The following SAXO1 variants were observed in gnomAD, a reference collection of about 807,000 sequenced individuals.
SAXO1 encodes the protein 4930500O09Rik.
Under a neutral mutation model 17.5 loss-of-function variants are expected in SAXO1, and 21 were observed. The observed-to-expected ratio is 1.20, with a 90% confidence interval of 0.85 to 1.72. SAXO1 has a LOEUF of 1.72. SAXO1 is among the 40% of genes most tolerant of loss of function. SAXO1 has a pLI of 0.00. For missense variants in SAXO1, 843 were observed against 596.0 expected (o/e 1.41, Z -4.32); for synonymous variants, 274 against 216.5 (o/e 1.27, Z -2.33).
intron 3 of SAXO1, among the ~76,000 whole-genome samples, chr9:18,940,960 T>C (rs1831527156): frequency 6.6e-6 from 1 of 152,200 alleles, no homozygotes; most frequent in African/African-American, 2.4e-5. Context: ...TATATTCTCA[T>C]TGGGGAGGGT....
chr9:19,005,518 T>G (rs1834448660), intron 1 of SAXO1, among the ~76,000 whole-genome samples: 2 of 152,304 alleles, frequency 1.3e-5, no homozygotes, highest in Non-Finnish European at 2.9e-5. Flanking sequence ...TCAAGACTAT[T>G]CAATGTGGGA....
At chr9:19,008,784 G>A (rs1256154287) in intron 1 of SAXO1, among the ~76,000 whole-genome samples, 1 of 152,112 alleles carries the variant, frequency 6.6e-6, no homozygotes, top group Admixed American at 6.5e-5. Flanking sequence ...GAGAAGGAGG[G>A]GACCCCCAGC....
chr9:19,022,150 A>C (rs915120274), intron 1 of SAXO1, among the ~76,000 whole-genome samples: 16 of 152,174 alleles, frequency 1.1e-4, no homozygotes, highest in African/African-American at 3.9e-4. Flanking sequence ...CCACGGGGAG[A>C]AACGAACAAC....
At chr9:19,043,939 G>C in intron 1 of SAXO1, among the ~76,000 whole-genome samples, 1 of 152,074 alleles carries the variant, frequency 6.6e-6, no homozygotes, top group East Asian at 1.9e-4. Flanking sequence ...GAGATCGGGA[G>C]TTCGAGACCA....
At chr9:19,004,870 A>T (rs1834425337) in intron 1 of SAXO1, among the ~76,000 whole-genome samples, 1 of 152,176 alleles carries the variant, frequency 6.6e-6, no homozygotes, top group South Asian at 2.1e-4. Context: ...GTAAAATAAT[A>T]ATAAAAAGAA....
intron 3 of SAXO1, among the ~76,000 whole-genome samples, chr9:18,932,500 T>G (rs893244207): frequency 6.6e-6 from 1 of 152,256 alleles, no homozygotes; most frequent in African/African-American, 2.4e-5. Context: ...AAAAATACTT[T>G]CAGCTATTCT....
At chr9:18,985,189 G>C (rs920122901) in intron 1 of SAXO1, among the ~76,000 whole-genome samples, 7 of 152,064 alleles carry the variant, frequency 4.6e-5, no homozygotes, top group Middle Eastern at 3.2e-3. Flanking sequence ...TTTATCAGTT[G>C]TTTGCTGTCT....
intron 1 of SAXO1, among the ~76,000 whole-genome samples, chr9:18,990,730 C>T (rs924264319): frequency 6.6e-5 from 10 of 152,184 alleles, no homozygotes; most frequent in Non-Finnish European, 1.0e-4. Context: ...AGCTCTGCCT[C>T]TTGTCAGATC....
At chr9:19,045,764 C>G (rs577896058) in intron 1 of SAXO1, among the ~76,000 whole-genome samples, 3 of 152,164 alleles carry the variant, frequency 2.0e-5, no homozygotes, top group African/African-American at 7.2e-5. Context: ...TTTTAAATAA[C>G]TTTAAATAGG....
intron 1 of SAXO1, among the ~76,000 whole-genome samples, chr9:19,012,006 C>G (rs892395160): frequency 2.0e-5 from 3 of 151,988 alleles, no homozygotes; most frequent in Non-Finnish European, 4.4e-5. Flanking sequence ...TCACCATGCC[C>G]GGCCAATTTT....
intron 1 of SAXO1, among the ~76,000 whole-genome samples, chr9:18,959,607 C>A (rs1315665273): frequency 1.3e-5 from 2 of 152,032 alleles, no homozygotes; most frequent in Non-Finnish European, 2.9e-5. Context: ...CCCATCTCTA[C>A]CAAAAATACA....
rs142694345 is a variant in SAXO1, at chr9:19,024,578, A to G, written c.38+8293T>C. Among the ~76,000 whole-genome samples, 116 of 152,232 alleles carry G rather than the reference A, an allele frequency of 7.6e-4. No homozygotes were observed. In the East Asian group the frequency reaches 0.018, roughly 23 times the overall value. On this transcript the variant is annotated intron_variant, in intron 1 of 3. Transcript: ENST00000380534. ...CTGCACGTTGTGCACATGTACCCTA[A>G]AACTTAAAGTATAATAATAATAAAA...
chr9:18,944,758 G>C (rs1263301362), intron 2 of SAXO1, among the ~76,000 whole-genome samples: 1 of 152,184 alleles, frequency 6.6e-6, no homozygotes, highest in Non-Finnish European at 1.5e-5. Flanking sequence ...CTGACAAAAG[G>C]AAAGAGGAAA....
chr9:18,956,294 T>A (rs567768766), intron 1 of SAXO1, among the ~76,000 whole-genome samples: 1 of 152,210 alleles, frequency 6.6e-6, no homozygotes, highest in African/African-American at 2.4e-5. Flanking sequence ...ACAAAGCTGT[T>A]CATCAAAACA....
At chr9:19,036,487 C>T (rs911242540), upstream of SAXO1, among the ~76,000 whole-genome samples, 7 of 152,108 alleles carry the variant, frequency 4.6e-5, no homozygotes, top group African/African-American at 1.4e-4. Flanking sequence ...ACCAGGGTCC[C>T]CATGCTGTGT....
intron 1 of SAXO1, among the ~76,000 whole-genome samples, chr9:18,965,278 G>C (rs910007225): frequency 1.3e-4 from 20 of 152,166 alleles, no homozygotes; most frequent in African/African-American, 3.6e-4. Flanking sequence ...AGGTCCACTT[G>C]GTCCAGGGCT....
At chr9:19,015,794 G>GA (rs1036220424) in intron 1 of SAXO1, among the ~76,000 whole-genome samples, 20 of 151,740 alleles carry the variant, frequency 1.3e-4, no homozygotes, top group Admixed American at 2.6e-4. Flanking sequence ...TCTTCTTTTT[G>GA]AAAAAACACA....
intron 1 of SAXO1, among the ~76,000 whole-genome samples, chr9:19,041,884 C>G (rs972951584): frequency 1.3e-5 from 2 of 152,070 alleles, no homozygotes; most frequent in Admixed American, 6.6e-5. Context: ...TTGGTCTGGA[C>G]AAAAACTTCT....
chr9:18,991,965 C>A (rs949491095), intron 1 of SAXO1, among the ~76,000 whole-genome samples: 43 of 152,148 alleles, frequency 2.8e-4, no homozygotes, highest in African/African-American at 1.0e-3. Context: ...CAGGAATGAG[C>A]AAGTCAGAGT....
Sources: gnomAD v4.1 joint callset for allele counts (sites outside exome capture counted in the v4.1 genomes callset) on GRCh38, gnomAD v4.1.1 for gene constraint, MANE v1.5 for transcripts, NCBI Gene and HGNC (gene_info 2026-07-23, HGNC 2026-07-21) for gene names.